Variants in BRD10 observed in about 807,000 individuals in gnomAD.
The protein encoded by BRD10 is bromodomain containing 10, also known as uncharacterized bromodomain-containing protein 10.
the BRD10 span, chr9:5,920,283 C>T: frequency 3.5e-4 from 562 of 1,613,982 alleles, 1 homozygote; most frequent in East Asian, 6.8e-3. Flanking sequence ...CTGCCAGCTC[C>T]AAGACCTTGT....
chr9:5,910,020 A>C, the BRD10 span: 5 of 152,224 alleles, frequency 3.3e-5, no homozygotes, highest in African/African-American at 1.2e-4. Flanking sequence ...ATAACAACGA[A>C]GATAATGAAA....
the BRD10 span, chr9:5,924,611 C>T: frequency 2.5e-6 from 3 of 1,191,770 alleles, no homozygotes; most frequent in Non-Finnish European, 3.4e-6. Context: ...ACAAAAACTT[C>T]TCTTTGTGCC....
the BRD10 span, among the ~76,000 whole-genome samples, chr9:5,981,765 G>A: frequency 6.6e-6 from 1 of 152,188 alleles, no homozygotes; most frequent in East Asian, 1.9e-4. Flanking sequence ...CTGGAAAATG[G>A]ATACACTGAA....
the BRD10 span, among the ~76,000 whole-genome samples, chr9:5,987,839 T>C: frequency 9.9e-5 from 15 of 152,218 alleles, no homozygotes; most frequent in African/African-American, 3.6e-4. Context: ...TGAAAAGTTA[T>C]ATAAATGCCA....
the BRD10 span, among the ~76,000 whole-genome samples, chr9:5,955,750 T>C: frequency 6.0e-5 from 9 of 150,210 alleles, 1 homozygote; most frequent in East Asian, 1.7e-3. Flanking sequence ...TATTTCTTTA[T>C]TCACCATTGT....
the BRD10 span, among the ~76,000 whole-genome samples, chr9:6,000,305 T>A: frequency 3.9e-5 from 6 of 152,060 alleles, no homozygotes; most frequent in East Asian, 7.7e-4. Context: ...CTTTCCCAAT[T>A]AAAAAGAAAA....
At chr9:5,968,071 C>G in the BRD10 span, 5 of 1,553,520 alleles carry the variant, frequency 3.2e-6, no homozygotes, top group Admixed American at 6.0e-5. Context: ...ATAACTTATT[C>G]TGGATCTCAG....
At chr9:5,919,543 AACACACACACACACACAC>A in the BRD10 span, 14 of 396,886 alleles carry the variant, frequency 3.5e-5, no homozygotes, top group Admixed American at 8.4e-5. Context: ...GATACATTAA[AACACACACACACACACAC>A]ACACACACAC....
chr9:5,942,560 C>G, the BRD10 span, among the ~76,000 whole-genome samples: 1 of 152,004 alleles, frequency 6.6e-6, no homozygotes, highest in Non-Finnish European at 1.5e-5. Flanking sequence ...TGTCTATTTG[C>G]TTTTTGCTAT....
the BRD10 span, among the ~76,000 whole-genome samples, chr9:5,969,967 C>T: frequency 8.7e-4 from 132 of 152,254 alleles, no homozygotes; most frequent in Non-Finnish European, 1.7e-3. Context: ...ACATAATTAT[C>T]CTCAAGGTAA....
At chr9:6,007,418 G>A in the BRD10 span, 2 of 1,607,004 alleles carry the variant, frequency 1.2e-6, no homozygotes, top group Admixed American at 1.7e-5. Context: ...CGACCGCCCC[G>A]GCCCCCGCTG....
the BRD10 span, among the ~76,000 whole-genome samples, chr9:5,902,357 CTTT>C: frequency 1.3e-5 from 2 of 152,034 alleles, no homozygotes; most frequent in Non-Finnish European, 2.9e-5. Context: ...TAGTTTGTGC[CTTT>C]TTATTTCTTA....
the BRD10 span, among the ~76,000 whole-genome samples, chr9:5,983,286 A>C: frequency 1.6e-4 from 25 of 152,278 alleles, no homozygotes; most frequent in African/African-American, 3.4e-4. Flanking sequence ...ACACACCCTA[A>C]AACAGCTTAA....
chr9:5,968,213 T>C, the BRD10 span: 1 of 1,612,976 alleles, frequency 6.2e-7, no homozygotes, highest in African/African-American at 1.3e-5. Flanking sequence ...TTTGAGTTTC[T>C]TGTGGCTCTG....
At chr9:5,929,589 C>T in the BRD10 span, among the ~76,000 whole-genome samples, 2 of 152,028 alleles carry the variant, frequency 1.3e-5, no homozygotes, top group African/African-American at 4.8e-5. Flanking sequence ...TAAAAGCAGT[C>T]TTTTTAACAA....
the BRD10 span, among the ~76,000 whole-genome samples, chr9:5,941,005 A>G: frequency 6.6e-6 from 1 of 152,118 alleles, no homozygotes; most frequent in Admixed American, 6.6e-5. Flanking sequence ...ACTTTTCCTC[A>G]TACCCAATCT....
At chr9:6,003,367 A>C in the BRD10 span, among the ~76,000 whole-genome samples, 1 of 152,154 alleles carries the variant, frequency 6.6e-6, no homozygotes, top group South Asian at 2.1e-4. Context: ...TCATACTAAT[A>C]TTTGACGTTC....
At chr9:5,958,752 C>T in the BRD10 span, among the ~76,000 whole-genome samples, 2 of 152,118 alleles carry the variant, frequency 1.3e-5, no homozygotes, top group African/African-American at 4.8e-5. Context: ...GCCTTAGGAA[C>T]CTTAATAAAT....
At chr9:5,951,755 G>C in the BRD10 span, among the ~76,000 whole-genome samples, 1 of 152,018 alleles carries the variant, frequency 6.6e-6, no homozygotes, top group Non-Finnish European at 1.5e-5. Context: ...GCATTTAACA[G>C]CAAAGTTTAC....
Sources: gnomAD v4.1 joint callset for allele counts (sites outside exome capture counted in the v4.1 genomes callset) on GRCh38, gnomAD v4.1.1 for gene constraint, MANE v1.5 for transcripts, NCBI Gene and HGNC (gene_info 2026-07-23, HGNC 2026-07-21) for gene names.